Variants in MTREX observed in about 807,000 individuals in gnomAD.
MTREX encodes exosome RNA helicase MTR4.
Under a neutral mutation model 135.4 loss-of-function variants are expected in MTREX, and 76 were observed. That is an observed-to-expected ratio of 0.56 (90% CI 0.47 to 0.68). The LOEUF (loss-of-function observed/expected upper bound fraction) is 0.68. MTREX is among the 30% of genes least tolerant of loss of function. The pLI is 0.00. For synonymous variants in MTREX, 404 were observed against 401.6 expected (o/e 1.01, Z -0.07); for missense variants, 920 against 1,262.1 (o/e 0.73, Z 4.11).
At position 55,328,704 on chromosome 5, in the gene MTREX, C is replaced by A; in HGVS notation, c.408C>A (p.Tyr136Ter). Reference protein sequence around the residue: ...KPRVGKAAKEYPFILDAFQRE... With the variant: ...KPRVGKAAKE ...TTAATGTTTTGTTTTTATAGGAATA[C>A]CCGTTCATTCTTGATGCTTTTCAAA... The change falls in exon 5 of 27, where the codon TAC (tyrosine) becomes TAA (stop). Residue 136 changes from tyrosine (Y) to a stop codon, truncating the protein, a stop_gained. Coordinates refer to ENST00000230640, the MANE Select transcript of MTREX (RefSeq NM_015360.5). LOFTEE classifies it high-confidence loss of function. The A allele has an allele frequency of 6.2e-7, 1 of 1,605,150 alleles. No homozygotes were observed. Among genetic ancestry groups the A allele is most frequent in the Non-Finnish European group, 8.5e-7 (1 of 1,172,536 alleles).
At chr5:55,308,976 A>T (rs1261861861) in intron 1 of MTREX, among the ~76,000 whole-genome samples, 1 of 151,180 alleles carries the variant, frequency 6.6e-6, no homozygotes, top group Non-Finnish European at 1.5e-5. Flanking sequence ...GAGAACAGGT[A>T]CCCATTAAAG....
At position 55,328,751 on chromosome 5, in the gene MTREX, A is replaced by G; in HGVS notation, c.455A>G (p.Asp152Gly). 2 of 1,613,698 alleles carry G rather than the reference A, an allele frequency of 1.2e-6. No homozygotes were observed. The highest frequency in any genetic ancestry group is 1.3e-5 in the African/African-American group (1 of 75,020). ...AFQREAIQCV[D>G]NNQSVLVSAH... is the part of the protein sequence containing the mutation. ...CAAAGAGAGGCCATTCAGTGTGTTG[A>G]CAATAATCAGTCTGTTCTAGTATCT... Residue 152 changes from aspartate (D) to glycine (G), a missense_variant, in exon 5 of 27, where the codon GAC (aspartate) becomes GGC (glycine). Around this residue, in one of 6 missense-constraint regions of MTREX, gnomAD observed 82 missense variants for 107.4 expected, o/e 0.76. Coordinates refer to ENST00000230640, the MANE Select transcript of MTREX (RefSeq NM_015360.5).
intron 5 of MTREX, among the ~76,000 whole-genome samples, chr5:55,338,162 G>A (rs1040269917): frequency 2.0e-5 from 3 of 151,964 alleles, no homozygotes; most frequent in African/African-American, 7.3e-5. Context: ...AGTCTTAATT[G>A]TTCTGTTTTA....
intron 16 of MTREX, among the ~76,000 whole-genome samples, chr5:55,372,449 C>T (rs753296111): frequency 2.0e-4 from 31 of 151,580 alleles, no homozygotes; most frequent in Non-Finnish European, 4.0e-4. Flanking sequence ...TTCTGTTTAC[C>T]ATGAGCTATA....
At chr5:55,309,763 T>G (rs1225961808) in intron 1 of MTREX, among the ~76,000 whole-genome samples, 1 of 152,162 alleles carries the variant, frequency 6.6e-6, no homozygotes, top group Non-Finnish European at 1.5e-5. Context: ...TGAATTGGTC[T>G]CCTTGAGATA....
At chr5:55,413,260 C>T (rs1335343270) in intron 23 of MTREX, among the ~76,000 whole-genome samples, 1 of 151,500 alleles carries the variant, frequency 6.6e-6, no homozygotes, top group African/African-American at 2.4e-5. Context: ...TCGCTTGAAC[C>T]CGGGAGGTGG....
intron 16 of MTREX, among the ~76,000 whole-genome samples, chr5:55,374,666 T>G (rs1480374269): frequency 1.3e-5 from 2 of 152,132 alleles, no homozygotes; most frequent in African/African-American, 4.8e-5. Flanking sequence ...GATAGAATGG[T>G]CCTAAGACCA....
intron 14 of MTREX, 25 bp from the exon 15 acceptor site, chr5:55,358,548 C>T (rs1176254879): frequency 7.7e-6 from 12 of 1,562,116 alleles, no homozygotes; most frequent in Non-Finnish European, 7.7e-6. Flanking sequence ...TTCCTAAACT[C>T]TGAATTTTAA....
chr5:55,346,628 A>G (rs1396511522), intron 10 of MTREX, among the ~76,000 whole-genome samples: 3 of 152,100 alleles, frequency 2.0e-5, no homozygotes, highest in Admixed American at 2.0e-4. Context: ...GGCCATTTGC[A>G]TATTCTTTCT....
In MTREX at chr5:55,340,044, C is replaced by T. The variant is rs150179244; in HGVS notation, c.550C>T (p.Arg184Cys). The T allele has an allele frequency of 4.1e-5, 65 of 1,571,932 alleles. No individual in the cohort carries two copies. Among genetic ancestry groups the T allele is most frequent in the African/African-American group, 5.5e-5 (4 of 72,816 alleles). The change falls in exon 6 of 27, where the codon CGT becomes TGT. Residue 184 changes from arginine (R) to cysteine (C), a missense_variant. Around this residue, in one of 6 missense-constraint regions of MTREX, gnomAD observed 82 missense variants for 107.4 expected, o/e 0.76. Transcript: ENST00000230640. ...TGCATTGGCCTTAAGGGAAAAGCAGCGTGTAATATTTACCAGCCCAATTAA... is the reference window on the plus strand; with the variant it reads ...TGCATTGGCCTTAAGGGAAAAGCAGTGTGTAATATTTACCAGCCCAATTAA... The part of the protein sequence containing the change: ...AIALALREKQ[R>C]VIFTSPIKAL...
intron 8 of MTREX, among the ~76,000 whole-genome samples, chr5:55,343,827 G>A (rs1219593976): frequency 6.6e-6 from 1 of 152,126 alleles, no homozygotes. Flanking sequence ...GAAAAGCTGG[G>A]CATCTCTGGA....
intron 18 of MTREX, among the ~76,000 whole-genome samples, chr5:55,381,175 A>G (rs1426843390): frequency 6.6e-6 from 1 of 151,886 alleles, no homozygotes; most frequent in African/African-American, 2.4e-5. Flanking sequence ...AAGTTTGTCA[A>G]TTTTGTTAAT....
chr5:55,388,567 T>C (rs1450828635), intron 19 of MTREX, among the ~76,000 whole-genome samples: 1 of 152,188 alleles, frequency 6.6e-6, no homozygotes, highest in Non-Finnish European at 1.5e-5. Context: ...TATTACAAAA[T>C]AGGGTTTGTG....
chr5:55,356,705 A>G (rs1425733680), intron 14 of MTREX: 1 of 152,822 alleles, frequency 6.5e-6, no homozygotes, highest in Non-Finnish European at 1.5e-5. Flanking sequence ...GATGTAGACG[A>G]TGATGCCTGG....
At chr5:55,331,117 A>G (rs574446251) in intron 5 of MTREX, among the ~76,000 whole-genome samples, 103 of 152,188 alleles carry the variant, frequency 6.8e-4, no homozygotes, top group African/African-American at 2.3e-3. Context: ...GTACTGTTAT[A>G]GTAACTTTTA....
intron 21 of MTREX, among the ~76,000 whole-genome samples, chr5:55,404,148 C>T (rs1183883371): frequency 6.6e-6 from 1 of 152,094 alleles, no homozygotes; most frequent in Non-Finnish European, 1.5e-5. Flanking sequence ...ATTTTTCCTC[C>T]TTAGTAGAAG....
At chr5:55,395,928 G>A (rs1313891720) in intron 19 of MTREX, among the ~76,000 whole-genome samples, 1 of 152,160 alleles carries the variant, frequency 6.6e-6, no homozygotes, top group East Asian at 1.9e-4. Context: ...GGTGGGGAAG[G>A]TACAGTGGTA....
intron 22 of MTREX, among the ~76,000 whole-genome samples, chr5:55,406,494 A>T (rs1750810395): frequency 6.6e-6 from 1 of 152,066 alleles, no homozygotes; most frequent in Non-Finnish European, 1.5e-5. Context: ...GCCTTTTCTG[A>T]CCTAGCTTTA....
intron 15 of MTREX, among the ~76,000 whole-genome samples, chr5:55,365,538 T>C (rs1392968264): frequency 6.6e-6 from 1 of 152,178 alleles, no homozygotes; most frequent in Non-Finnish European, 1.5e-5. Flanking sequence ...AGGAGTACTC[T>C]AAGAGTATTT....
Sources: gnomAD v4.1 joint callset for allele counts (sites outside exome capture counted in the v4.1 genomes callset) on GRCh38, gnomAD v4.1.1 for gene constraint, gnomAD v4.1.1 regional missense constraint, MANE v1.5 for transcripts, NCBI Gene and HGNC (gene_info 2026-07-23, HGNC 2026-07-21) for gene names.